The following SLC41A2 variants were observed in gnomAD, a reference collection of about 807,000 sequenced individuals.
SLC41A2 encodes the protein SLC41A1-like 1.
In SLC41A2, 32 loss-of-function variants were observed where a neutral mutation model predicts 58.3. The observed-to-expected ratio is 0.55, with a 90% confidence interval of 0.41 to 0.74. The LOEUF is 0.74. Among genes scored for constraint, SLC41A2 ranks in the 30% least tolerant of loss-of-function variants. The probability of loss-of-function intolerance (pLI) is 0.00; values close to 1 mark genes in which losing one functional copy is unlikely to be tolerated. For synonymous variants in SLC41A2, 190 were observed against 235.0 expected, an observed-to-expected ratio of 0.81 and a Z score of 1.75; for missense variants, 514 against 680.6, an observed-to-expected ratio of 0.76 and a Z score of 2.72.
chr12:104,814,706 A>T (rs2041318820), intron 10 of SLC41A2, among the ~76,000 whole-genome samples: 1 of 152,218 alleles, frequency 6.6e-6, no homozygotes, highest in Non-Finnish European at 1.5e-5. Context: ...TAATATAGGT[A>T]AAGGGCTAAG....
intron 2 of SLC41A2, among the ~76,000 whole-genome samples, chr12:104,923,128 C>T (rs989770703): frequency 6.1e-5 from 9 of 148,628 alleles, no homozygotes; most frequent in African/African-American, 2.0e-4. Context: ...TTTGGGAGGC[C>T]GAGGCGTGTG....
At chr12:104,816,508 T>C (rs2041410699) in intron 10 of SLC41A2, among the ~76,000 whole-genome samples, 1 of 152,138 alleles carries the variant, frequency 6.6e-6, no homozygotes, top group African/African-American at 2.4e-5. Context: ...CCAGGGGACA[T>C]GGAGGCATCC....
chr12:104,896,556 T>G (rs1218765392), intron 3 of SLC41A2, among the ~76,000 whole-genome samples: 1 of 152,176 alleles, frequency 6.6e-6, no homozygotes, highest in African/African-American at 2.4e-5. Flanking sequence ...TTAGTGTTAT[T>G]TTTTAATAAC....
rs772011802 is a variant in SLC41A2, at chr12:104,928,254, G to T, written c.274C>A (p.Gln92Lys). ...QHMEYHSFSEQSFHANNGHAS... is the reference protein window; with the variant it reads ...QHMEYHSFSEKSFHANNGHAS... ...TGCCCATTATTGGCATGAAAAGACTGCTCTGAGAAACTGTGATACTCCATG... is the reference window on the plus strand; with the variant it reads ...TGCCCATTATTGGCATGAAAAGACTTCTCTGAGAAACTGTGATACTCCATG... The change falls in exon 2 of 11, where the codon CAG (glutamine) becomes AAG (lysine). Residue 92 changes from glutamine (Q) to lysine (K), a missense_variant. By Grantham distance (53) the Gln-to-Lys change is moderately conservative (BLOSUM62 1). Coordinates refer to ENST00000258538, the MANE Select transcript of SLC41A2 (RefSeq NM_001352171.3). 9 of 1,613,906 alleles carry T rather than the reference G, an allele frequency of 5.6e-6. No individual in the cohort carries two copies. In the African/African-American group the frequency reaches 1.1e-4, roughly 19 times the overall value.
intron 2 of SLC41A2, among the ~76,000 whole-genome samples, chr12:104,924,074 T>C (rs1473416736): frequency 6.6e-6 from 1 of 152,140 alleles, no homozygotes; most frequent in African/African-American, 2.4e-5. Flanking sequence ...GTAACTCCTA[T>C]AAATCTATAA....
chr12:104,888,355 T>C (rs934878409), intron 5 of SLC41A2, among the ~76,000 whole-genome samples: 10 of 151,340 alleles, frequency 6.6e-5, no homozygotes, highest in Admixed American at 6.6e-4. Flanking sequence ...CTTTAAACTT[T>C]GCTGGTGATA....
chr12:104,877,071 C>T (rs970431335), intron 6 of SLC41A2, among the ~76,000 whole-genome samples: 4 of 152,202 alleles, frequency 2.6e-5, no homozygotes, highest in African/African-American at 9.7e-5. Flanking sequence ...TACATGGCCT[C>T]TATAACTAAA....
chr12:104,874,757 C>CA (rs1462254163), intron 6 of SLC41A2, among the ~76,000 whole-genome samples: 1 of 152,154 alleles, frequency 6.6e-6, no homozygotes, highest in Non-Finnish European at 1.5e-5. Context: ...AGCTTTGTGA[C>CA]ATAATTTGAA....
At position 104,804,137 on chromosome 12, in the gene SLC41A2, T is replaced by G. The variant is rs1228776249; in HGVS notation, c.*1015A>C. 2.6e-4 allele frequency: 21 copies of G among 82,350 alleles called. No individual in the cohort carries two copies. Among genetic ancestry groups the G allele is most frequent in the Non-Finnish European group, 3.3e-4 (15 of 45,664 alleles). 5.1% of individuals were successfully genotyped at this position (82,350 alleles called of 1,614,324 possible). ...CAGCCTGGGCGACAGAGCAAGACTC[T>G]GTCTCAAAAAAAAAAAAAAAAAAAA... On this transcript the variant is annotated 3_prime_UTR_variant, in exon 11 of 11. Coordinates refer to ENST00000258538, the MANE Select transcript of SLC41A2 (RefSeq NM_001352171.3).
At chr12:104,817,832 C>T (rs975930466) in intron 10 of SLC41A2, among the ~76,000 whole-genome samples, 5 of 151,062 alleles carry the variant, frequency 3.3e-5, no homozygotes, top group African/African-American at 9.8e-5. Context: ...CACACTAGGA[C>T]GGTACAGCCA....
intron 10 of SLC41A2, among the ~76,000 whole-genome samples, chr12:104,844,141 T>C (rs963940823): frequency 6.6e-6 from 1 of 152,054 alleles, no homozygotes; most frequent in Non-Finnish European, 1.5e-5. Context: ...CTAGAACCAT[T>C]GGTAAAAATT....
intron 8 of SLC41A2, among the ~76,000 whole-genome samples, chr12:104,856,409 C>T (rs1169791932): frequency 6.6e-6 from 1 of 151,992 alleles, no homozygotes; most frequent in Non-Finnish European, 1.5e-5. Context: ...TTAGTAAAAG[C>T]AGTTTTGTAG....
intron 8 of SLC41A2, among the ~76,000 whole-genome samples, chr12:104,856,539 A>G (rs2043025782): frequency 6.6e-6 from 1 of 152,142 alleles, no homozygotes; most frequent in African/African-American, 2.4e-5. Context: ...GCACTATGGG[A>G]AAGGTGACTT....
At chr12:104,805,464 A>AAAT in intron 10 of SLC41A2, 127 bp from the exon 11 acceptor site, 1 of 594,120 alleles carries the variant, frequency 1.7e-6, no homozygotes, top group East Asian at 3.1e-5. Context: ...CCATGCTTGA[A>AAAT]AATAAGAAAT....
At chr12:104,884,721 C>T (rs772565335) in intron 6 of SLC41A2, among the ~76,000 whole-genome samples, 2 of 152,200 alleles carry the variant, frequency 1.3e-5, no homozygotes, top group Non-Finnish European at 2.9e-5. Flanking sequence ...ATGCCTAACT[C>T]ATGCCGTTAC....
At chr12:104,871,672 T>A (rs2043785651) in intron 6 of SLC41A2, among the ~76,000 whole-genome samples, 1 of 152,246 alleles carries the variant, frequency 6.6e-6, no homozygotes, top group Non-Finnish European at 1.5e-5. Context: ...CAATCTATTA[T>A]GTTATTGGAC....
chr12:104,872,859 A>C (rs796672479), intron 6 of SLC41A2, among the ~76,000 whole-genome samples: 6 of 152,336 alleles, frequency 3.9e-5, no homozygotes, highest in African/African-American at 1.4e-4. Flanking sequence ...AATTCTAAGT[A>C]GTTGAATAAG....
intron 6 of SLC41A2, among the ~76,000 whole-genome samples, chr12:104,867,681 C>G (rs2043538605): frequency 6.6e-6 from 1 of 151,024 alleles, no homozygotes. Context: ...TAAAGCTAAA[C>G]AAAGTTTACT....
In SLC41A2 at chr12:104,912,773, G is replaced by A. The variant is rs80028062; in HGVS notation, c.556-3011C>T. On this transcript the variant is annotated intron_variant, in intron 2 of 10. Coordinates refer to ENST00000258538, the MANE Select transcript of SLC41A2 (RefSeq NM_001352171.3). The stretch of plus-strand genomic sequence containing the variant: ...AGGACTTGCATCTGGTATCTCAAGC[G>A]GAGGACAGTCTTTTGGACTGAGCCC... Among the ~76,000 whole-genome samples the A allele has an allele frequency of 9.9e-3, 1,508 of 152,224 alleles. 23 individuals are homozygous for A. The highest frequency in any genetic ancestry group is 0.033 in the African/African-American group (1,390 of 41,518).
Sources: allele counts gnomAD v4.1 joint callset (sites outside exome capture counted in the v4.1 genomes callset), GRCh38; gene constraint gnomAD v4.1.1; transcripts MANE v1.5; gene names NCBI Gene and HGNC (gene_info 2026-07-23, HGNC 2026-07-21).